ERC1: variants seen among roughly 807,000 people sequenced by gnomAD.
ERC1 encodes the protein RAB6 interacting protein 2.
Under a neutral mutation model 132.0 loss-of-function variants are expected in ERC1, and 56 were observed. That is an observed-to-expected ratio of 0.42 (90% CI 0.34 to 0.53). ERC1 has a LOEUF of 0.53. ERC1 is among the 20% of genes least tolerant of loss of function. ERC1 has a pLI of 0.03. For missense variants in ERC1, 1,202 were observed against 1,349.9 expected, an observed-to-expected ratio of 0.89 and a Z score of 1.72; for synonymous variants, 478 against 476.1, an observed-to-expected ratio of 1.00 and a Z score of -0.05.
chr12:1,119,511 T>TTGTGTG (rs1180385226), intron 7 of ERC1, among the ~76,000 whole-genome samples: 2 of 138,844 alleles, frequency 1.4e-5, no homozygotes, highest in African/African-American at 5.5e-5. Context: ...TACTTCTTCT[T>TTGTGTG]TGTGTGTGTG....
At chr12:1,026,128 A>G (rs931951022) in intron 1 of ERC1, among the ~76,000 whole-genome samples, 9 of 152,182 alleles carry the variant, frequency 5.9e-5, no homozygotes, top group Non-Finnish European at 1.0e-4. Flanking sequence ...TCAGTTCCAC[A>G]TGGCTGGGGA....
chr12:1,148,176 T>A (rs750569070), intron 8 of ERC1, among the ~76,000 whole-genome samples: 4 of 152,184 alleles, frequency 2.6e-5, no homozygotes, highest in African/African-American at 9.7e-5. Flanking sequence ...TAGGTAAAAA[T>A]TTTTAGAAAA....
At chr12:1,372,710 C>G (rs1041121328) in intron 16 of ERC1, among the ~76,000 whole-genome samples, 1 of 152,240 alleles carries the variant, frequency 6.6e-6, no homozygotes, top group Non-Finnish European at 1.5e-5. Flanking sequence ...CTGGGCGCAG[C>G]ATCCGCGTCC....
chr12:996,261 T>TA (rs1960853170), intron 1 of ERC1, among the ~76,000 whole-genome samples: 1 of 140,634 alleles, frequency 7.1e-6, no homozygotes, highest in African/African-American at 2.6e-5. Flanking sequence ...TTTTTTTTTT[T>TA]TTTTTTTTTT....
chr12:1,366,918 A>G (rs536107370), intron 15 of ERC1, among the ~76,000 whole-genome samples: 23 of 152,344 alleles, frequency 1.5e-4, no homozygotes, highest in African/African-American at 5.3e-4. Flanking sequence ...TGACCTGCAG[A>G]GGACATAAGA....
At chr12:1,394,210 C>A (rs1195686472) in intron 16 of ERC1, among the ~76,000 whole-genome samples, 1 of 150,868 alleles carries the variant, frequency 6.6e-6, no homozygotes, top group Non-Finnish European at 1.5e-5. Context: ...ACCATCCTGG[C>A]TAACACGGTG....
chr12:1,372,706 G>A (rs559861999), intron 16 of ERC1, among the ~76,000 whole-genome samples: 69 of 152,342 alleles, frequency 4.5e-4, no homozygotes, highest in African/African-American at 1.6e-3. Flanking sequence ...CTGGCTGGGC[G>A]CAGCATCCGC....
At chr12:1,489,035 G>A (rs2094286347) in intron 18 of ERC1, among the ~76,000 whole-genome samples, 1 of 152,154 alleles carries the variant, frequency 6.6e-6, no homozygotes, top group Non-Finnish European at 1.5e-5. Context: ...TGTGGTTGTG[G>A]TTTGGTTTCT....
intron 1 of ERC1, among the ~76,000 whole-genome samples, chr12:1,003,779 A>G (rs994563688): frequency 2.6e-5 from 4 of 152,222 alleles, no homozygotes; most frequent in African/African-American, 4.8e-5. Flanking sequence ...TCTGTTACAT[A>G]GTCGGCAGAA....
chr12:1,370,073 T>C (rs2154373931), intron 15 of ERC1, among the ~76,000 whole-genome samples: 1 of 152,356 alleles, frequency 6.6e-6, no homozygotes, highest in Admixed American at 6.5e-5. Context: ...ACTTGGGCAA[T>C]GCATTCTCAG....
intron 12 of ERC1, among the ~76,000 whole-genome samples, chr12:1,192,529 G>T (rs1312773139): frequency 2.6e-5 from 4 of 151,880 alleles, no homozygotes; most frequent in Non-Finnish European, 5.9e-5. Flanking sequence ...TCTTACCATG[G>T]TCCTGTTCCA....
intron 15 of ERC1, among the ~76,000 whole-genome samples, chr12:1,294,573 AG>A (rs956391401): frequency 6.6e-6 from 1 of 152,174 alleles, no homozygotes; most frequent in African/African-American, 2.4e-5. Context: ...TCCTCACAAA[AG>A]GAAGGAAGTG....
At chr12:1,037,490 A>G (rs1969308459) in intron 2 of ERC1, among the ~76,000 whole-genome samples, 1 of 152,180 alleles carries the variant, frequency 6.6e-6, no homozygotes, top group Non-Finnish European at 1.5e-5. Flanking sequence ...GCCATCTGTT[A>G]TGAGTGCACT....
chr12:1,204,441 TATTA>T (rs1216440237), intron 12 of ERC1: 1 of 1,415,940 alleles, frequency 7.1e-7, no homozygotes, highest in East Asian at 2.4e-5. Flanking sequence ...ATATTGTCCT[TATTA>T]ATTCTTTCTA....
intron 17 of ERC1, among the ~76,000 whole-genome samples, chr12:1,440,423 G>C (rs111903634): frequency 0.016 from 2,341 of 146,184 alleles, 21 homozygotes; most frequent in Middle Eastern, 0.025. Context: ...AGCCAGGATG[G>C]TCTCGATCTC....
intron 3 of ERC1, among the ~76,000 whole-genome samples, chr12:1,095,169 C>T (rs773656434): frequency 2.0e-5 from 3 of 152,126 alleles, no homozygotes; most frequent in African/African-American, 4.8e-5. Flanking sequence ...GTGGCTCATA[C>T]CTGTAATCCC....
chr12:1,137,604 C>T (rs1293492631), intron 7 of ERC1, among the ~76,000 whole-genome samples: 1 of 151,576 alleles, frequency 6.6e-6, no homozygotes, highest in Admixed American at 6.6e-5. Context: ...AACCCCAGCA[C>T]TTTGGGAGGC....
chr12:1,421,897 G>A (rs58177128), intron 17 of ERC1, among the ~76,000 whole-genome samples: 9,373 of 151,982 alleles, frequency 0.062, 437 homozygotes, highest in African/African-American at 0.12. Context: ...ATGGTGGTGC[G>A]TGCCTGTAGT....
intron 16 of ERC1, among the ~76,000 whole-genome samples, chr12:1,404,569 A>G (rs2091325303): frequency 6.6e-6 from 1 of 152,200 alleles, no homozygotes; most frequent in Non-Finnish European, 1.5e-5. Context: ...TCAGTTTCCT[A>G]CCAGTGATAG....
Sources: gnomAD v4.1 joint callset for allele counts (sites outside exome capture counted in the v4.1 genomes callset) on GRCh38, gnomAD v4.1.1 for gene constraint, MANE v1.5 for transcripts, NCBI Gene and HGNC (gene_info 2026-07-23, HGNC 2026-07-21) for gene names.